Variants in KCNMA1 observed in about 807,000 individuals in gnomAD.
KCNMA1 encodes potassium calcium-activated channel subfamily M alpha 1.
In KCNMA1, 29 loss-of-function variants were observed where a neutral mutation model predicts 140.0. The ratio of observed to expected loss-of-function variants is 0.21; its 90% confidence interval spans 0.15 to 0.28. The LOEUF (loss-of-function observed/expected upper bound fraction) is 0.28, where lower values mean the gene tolerates loss of function less well. Ranked by LOEUF, KCNMA1 falls within the 10% of genes least tolerant of loss-of-function variation. The probability of loss-of-function intolerance (pLI) is 1.00; values close to 1 mark genes in which losing one functional copy is unlikely to be tolerated. For synonymous variants in KCNMA1, 612 were observed against 611.9 expected, an observed-to-expected ratio of 1.00 and a Z score of 0.00; for missense variants, 880 against 1,602.2, an observed-to-expected ratio of 0.55 and a Z score of 7.70.
At chr10:77,620,391 GGA>G (rs962149673) in intron 1 of KCNMA1, among the ~76,000 whole-genome samples, 16 of 152,328 alleles carry the variant, frequency 1.1e-4, no homozygotes, top group African/African-American at 3.6e-4. Flanking sequence ...GGGGAAAGCA[GGA>G]GCTGTGGGAG....
At chr10:76,917,821 T>A (rs2053595951) in intron 23 of KCNMA1, among the ~76,000 whole-genome samples, 1 of 152,200 alleles carries the variant, frequency 6.6e-6, no homozygotes, top group Non-Finnish European at 1.5e-5. Context: ...AAGGTGAACA[T>A]AATTTATTAG....
intron 1 of KCNMA1, among the ~76,000 whole-genome samples, chr10:77,574,969 A>G (rs1259572508): frequency 6.6e-6 from 1 of 152,206 alleles, no homozygotes; most frequent in African/African-American, 2.4e-5. Flanking sequence ...GGCTGGGACC[A>G]CAGATCGTAC....
intron 6 of KCNMA1, among the ~76,000 whole-genome samples, chr10:77,120,628 G>A (rs1236412357): frequency 6.6e-6 from 1 of 152,148 alleles, no homozygotes; most frequent in Non-Finnish European, 1.5e-5. Context: ...CCCAATCAAT[G>A]AGCAAATCTA....
chr10:77,022,868 T>G, intron 16 of KCNMA1: 1 of 438,362 alleles, frequency 2.3e-6, no homozygotes, highest in Non-Finnish European at 4.6e-6. Context: ...GATTGGCCAA[T>G]GATCTAGCAA....
downstream of KCNMA1, chr10:76,872,392 G>A (rs1320989062): frequency 1.3e-5 from 2 of 152,166 alleles, no homozygotes; most frequent in Non-Finnish European, 2.9e-5. Flanking sequence ...ATATCTTCCA[G>A]GAAGAACTGA....
At chr10:77,582,018 A>C (rs958939688) in intron 1 of KCNMA1, among the ~76,000 whole-genome samples, 88 of 152,264 alleles carry the variant, frequency 5.8e-4, no homozygotes, top group African/African-American at 2.0e-3. Flanking sequence ...ACCAGGAGAC[A>C]TACCCTCAGG....
intron 3 of KCNMA1, among the ~76,000 whole-genome samples, chr10:77,212,378 A>G (rs1414503228): frequency 1.3e-5 from 2 of 152,210 alleles, no homozygotes; most frequent in Non-Finnish European, 2.9e-5. Flanking sequence ...GTTCTCACTT[A>G]TAAGTGGGAG....
chr10:77,335,851 C>T (rs6480861), intron 2 of KCNMA1, among the ~76,000 whole-genome samples: 25,201 of 152,102 alleles, frequency 0.17, 3,177 homozygotes, highest in African/African-American at 0.35. Flanking sequence ...AACTCAAGCC[C>T]GGTCAGGTCT....
At chr10:77,324,640 A>G (rs1790591184) in intron 2 of KCNMA1, among the ~76,000 whole-genome samples, 1 of 152,186 alleles carries the variant, frequency 6.6e-6, no homozygotes, top group Non-Finnish European at 1.5e-5. Context: ...AACTCCCATA[A>G]TTCTCCAACC....
At position 77,031,051 on chromosome 10, in the gene KCNMA1, CAG is replaced by C. The variant is rs2093900841; in HGVS notation, c.1860-3162_1860-3161del. 2.0e-5 allele frequency among the ~76,000 whole-genome samples: 3 copies of C among 152,262 alleles called. No individual in the cohort carries two copies. In the South Asian group the frequency reaches 6.2e-4, roughly 32 times the overall value. ...ATGCAGATAACAAACTGAGCCCAAA[CAG>C]AGGAGAGCAACTAGGTCAAGGTCAA... On this transcript the variant is annotated intron_variant, in intron 15 of 27. Coordinates refer to ENST00000286628, the MANE Select transcript of KCNMA1 (RefSeq NM_001161352.2).
chr10:77,147,160 A>T (rs2098319208), intron 5 of KCNMA1, among the ~76,000 whole-genome samples: 1 of 152,264 alleles, frequency 6.6e-6, no homozygotes. Flanking sequence ...AACAGGGAAC[A>T]TAAACATCAA....
At chr10:77,165,304 T>C (rs2098628193) in intron 5 of KCNMA1, among the ~76,000 whole-genome samples, 1 of 152,170 alleles carries the variant, frequency 6.6e-6, no homozygotes, top group African/African-American at 2.4e-5. Context: ...GTACTTCTGG[T>C]TCATAAATCA....
downstream of KCNMA1, chr10:76,877,183 C>T (rs1374511519): frequency 6.5e-6 from 1 of 152,880 alleles, no homozygotes; most frequent in African/African-American, 2.4e-5. Context: ...CAATGCAGAT[C>T]AAAATACACA....
intron 9 of KCNMA1, chr10:77,092,177 T>C (rs2096833618): frequency 6.6e-6 from 1 of 152,182 alleles, no homozygotes; most frequent in South Asian, 2.1e-4. Context: ...CATTAGTATA[T>C]GGTGAGTAGT....
At chr10:77,206,992 C>A (rs925009947) in intron 3 of KCNMA1, among the ~76,000 whole-genome samples, 1 of 152,078 alleles carries the variant, frequency 6.6e-6, no homozygotes, top group South Asian at 2.1e-4. Context: ...CTCTTGCATT[C>A]CAACACAAGG....
chr10:77,001,989 A>T (rs887859279), intron 18 of KCNMA1, among the ~76,000 whole-genome samples: 1 of 152,230 alleles, frequency 6.6e-6, no homozygotes, highest in Non-Finnish European at 1.5e-5. Flanking sequence ...CAATGAAATT[A>T]GCTGCTTATT....
At chr10:77,279,344 G>A (rs2067644351) in intron 2 of KCNMA1, among the ~76,000 whole-genome samples, 2 of 152,152 alleles carry the variant, frequency 1.3e-5, no homozygotes, top group Admixed American at 1.3e-4. Flanking sequence ...CCATGGCAGG[G>A]TGCCCACTTG....
chr10:77,545,080 T>C (rs1430978021), intron 1 of KCNMA1, among the ~76,000 whole-genome samples: 1 of 152,198 alleles, frequency 6.6e-6, no homozygotes, highest in African/African-American at 2.4e-5. Context: ...TTAAATGGAA[T>C]CATGAAGTTT....
intron 14 of KCNMA1, among the ~76,000 whole-genome samples, chr10:77,046,073 C>T (rs1335579539): frequency 4.6e-5 from 7 of 152,252 alleles, no homozygotes; most frequent in African/African-American, 7.2e-5. Context: ...TGAGTCGTAA[C>T]ATATACACAC....
Sources: gnomAD v4.1 joint callset for allele counts (sites outside exome capture counted in the v4.1 genomes callset) on GRCh38, gnomAD v4.1.1 for gene constraint, MANE v1.5 for transcripts, NCBI Gene and HGNC (gene_info 2026-07-23, HGNC 2026-07-21) for gene names.